CEBPZOS: variants seen among roughly 807,000 people sequenced by gnomAD.
CEBPZOS encodes the protein CEBPZ opposite strand, also known as protein CEBPZOS.
CEBPZOS carries 10 observed loss-of-function variants against 4.8 expected under a neutral mutation model. The observed-to-expected ratio is 2.07, with a 90% confidence interval of 1.28 to 3.52. The LOEUF is 3.52. Among genes scored for constraint, CEBPZOS ranks in the 30% most tolerant of loss-of-function variants. The probability of loss-of-function intolerance (pLI) is 0.00; values close to 1 mark genes in which losing one functional copy is unlikely to be tolerated. For missense variants in CEBPZOS, 98 were observed against 43.6 expected, an observed-to-expected ratio of 2.25 and a Z score of -3.51; for synonymous variants, 25 against 14.2, an observed-to-expected ratio of 1.77 and a Z score of -1.72.
downstream of CEBPZOS, chr2:37,215,058 G>A (rs1430262867): frequency 5.3e-6 from 4 of 753,512 alleles, no homozygotes; most frequent in African/African-American, 5.3e-5. Context: ...AAAAATCTCA[G>A]AATTGTGTGG....
At chr2:37,198,990 C>T (rs1677081522) in intron 1 of CEBPZOS, among the ~76,000 whole-genome samples, 1 of 151,970 alleles carries the variant, frequency 6.6e-6, no homozygotes, top group African/African-American at 2.4e-5. Flanking sequence ...CCTGTGTCTA[C>T]TAAAAATACA....
intron 4 of CEBPZOS, chr2:37,211,796 G>T: frequency 7.2e-7 from 1 of 1,388,858 alleles, no homozygotes. Context: ...TTAAGGCTAA[G>T]GAAGTGAGGA....
downstream of CEBPZOS, chr2:37,216,049 T>C (rs760824009): frequency 1.0e-6 from 1 of 984,936 alleles, no homozygotes; most frequent in Non-Finnish European, 1.5e-6. Flanking sequence ...TCAGGTTTTA[T>C]TCTGATAAAT....
rs969679176 is a variant in CEBPZOS at position 37,202,607 on chromosome 2, T to C, written c.*747T>C. The C allele has an allele frequency of 2.4e-6, 1 of 425,432 alleles. No homozygotes were observed. Among genetic ancestry groups the C allele is most frequent in the African/African-American group, 2.6e-5 (1 of 38,764 alleles). 26.4% of individuals were successfully genotyped at this position (425,432 alleles called of 1,614,324 possible). ...TTGCAGTGAGCCAAGATCATGCCACTGCATTCCAACCTGGGCAAGGGAGTG... is the reference window on the plus strand; with the variant it reads ...TTGCAGTGAGCCAAGATCATGCCACCGCATTCCAACCTGGGCAAGGGAGTG... On this transcript the variant is annotated 3_prime_UTR_variant, in exon 5 of 5. Transcript: ENST00000402297.
chr2:37,206,269 T>C (rs1051276176), downstream of CEBPZOS, among the ~76,000 whole-genome samples: 12 of 152,222 alleles, frequency 7.9e-5, 1 homozygote, highest in Admixed American at 5.2e-4. Context: ...AAACTAAGCT[T>C]CCTAAATGAA....
At chr2:37,216,121 G>A (rs1310053781), downstream of CEBPZOS, 1 of 1,577,226 alleles carries the variant, frequency 6.3e-7, no homozygotes, top group Middle Eastern at 2.1e-4. Flanking sequence ...AGTTTCAACT[G>A]TCTAAGGTTT....
downstream of CEBPZOS, chr2:37,215,526 CT>C (rs943479618): frequency 1.3e-5 from 2 of 152,258 alleles, no homozygotes; most frequent in Non-Finnish European, 2.9e-5. Flanking sequence ...TGGGTAAGTC[CT>C]TTTACATCTC....
chr2:37,210,417 T>G (rs113070020), intron 4 of CEBPZOS: 2 of 152,240 alleles, frequency 1.3e-5, no homozygotes, highest in African/African-American at 4.8e-5. Context: ...GTGGTATACA[T>G]ATACCATGGA....
At chr2:37,212,118 G>A in intron 4 of CEBPZOS, 1 of 1,253,314 alleles carries the variant, frequency 8.0e-7, no homozygotes, top group Non-Finnish European at 1.1e-6. Flanking sequence ...TAGGGCAGTA[G>A]GCTATTAAAT....
chr2:37,198,779 C>G (rs1027431937), intron 1 of CEBPZOS: 3 of 152,178 alleles, frequency 2.0e-5, no homozygotes, highest in African/African-American at 7.2e-5. Flanking sequence ...CAAGATCTAA[C>G]CGGTCTGTAG....
chr2:37,201,485 A>T, intron 3 of CEBPZOS, 157 bp from the exon 4 acceptor site: 1 of 581,310 alleles, frequency 1.7e-6, no homozygotes. Flanking sequence ...CAATGATCAG[A>T]GATGCCAGGA....
At chr2:37,216,030 C>T, downstream of CEBPZOS, 2 of 725,356 alleles carry the variant, frequency 2.8e-6, no homozygotes, top group Non-Finnish European at 4.3e-6. Flanking sequence ...TGGATAATGT[C>T]TTTGATGCTC....
Position 37,201,996 on chromosome 2 carries a change from C to G in CEBPZOS, c.*136C>G. 1 of 1,200,920 alleles carries G rather than the reference C, an allele frequency of 8.3e-7. No individual in the cohort carries two copies. The highest frequency in any genetic ancestry group is 1.2e-6 in the Non-Finnish European group (1 of 856,826). The allele number at this position is 1,200,920 out of a possible 1,614,324, so 74.4% of individuals were successfully genotyped here. ...GCTGCTGAGTCACAGGAACTTCTAG[C>G]CTGCCTTGGCCTGTGGTTTCCCACC... On this transcript the variant is annotated 3_prime_UTR_variant, in exon 5 of 5. Coordinates refer to ENST00000402297, the MANE Select transcript of CEBPZOS (RefSeq NM_001322374.2).
At position 37,203,891 on chromosome 2, in the gene CEBPZOS, A is replaced by G. The variant is rs1458727644; in HGVS notation, c.*2031A>G. ...AGTACTCCATGCCATGTTGTGGGCT[A>G]CATAATATTCCATTGTATGGATATA... On this transcript the variant is annotated 3_prime_UTR_variant, in exon 5 of 5. Coordinates refer to ENST00000402297, the MANE Select transcript of CEBPZOS (RefSeq NM_001322374.2). 1 of 152,208 alleles carries G rather than the reference A, an allele frequency of 6.6e-6. No individual in the cohort carries two copies. Among genetic ancestry groups the G allele is most frequent in the Non-Finnish European group, 1.5e-5 (1 of 68,034 alleles). The allele number at this position is 152,208 out of a possible 1,614,324, so 9.4% of individuals were successfully genotyped here.
chr2:37,209,414 CA>C (rs796536578), downstream of CEBPZOS: 2 of 152,082 alleles, frequency 1.3e-5, no homozygotes, highest in South Asian at 4.2e-4. Context: ...CTATTGTTAC[CA>C]AAATAGCATG....
chr2:37,201,424 T>C, intron 3 of CEBPZOS: 2 of 524,116 alleles, frequency 3.8e-6, no homozygotes, highest in Non-Finnish European at 6.8e-6. Flanking sequence ...GTCAAGTAGA[T>C]AAAGACTGAA....
At chr2:37,204,842 T>C (rs1677476526), downstream of CEBPZOS, 1 of 152,238 alleles carries the variant, frequency 6.6e-6, no homozygotes, top group African/African-American at 2.4e-5. Context: ...GGCTAATGTC[T>C]TCTGAAACAG....
downstream of CEBPZOS, chr2:37,209,144 C>T (rs939581436): frequency 6.6e-6 from 1 of 151,844 alleles, no homozygotes; most frequent in Non-Finnish European, 1.5e-5. Context: ...AAAGAAACCA[C>T]AGACACACAC....
At position 37,203,422 on chromosome 2, in the gene CEBPZOS, A is replaced by G. The variant is rs1036536927; in HGVS notation, c.*1562A>G. On this transcript the variant is annotated 3_prime_UTR_variant, in exon 5 of 5. Transcript: ENST00000402297. ...TGACTGAAAGTATGTTTATTATGCT[A>G]TAAATGAAGTTGTTTATAACAGCGA... 3.3e-5 allele frequency: 5 copies of G among 152,822 alleles called. No homozygotes were observed. The highest frequency in any genetic ancestry group is 1.2e-4 in the African/African-American group (5 of 41,452). 9.5% of individuals were successfully genotyped at this position (152,822 alleles called of 1,614,324 possible).
Sources: gnomAD v4.1 joint callset for allele counts (sites outside exome capture counted in the v4.1 genomes callset) on GRCh38, gnomAD v4.1.1 for gene constraint, MANE v1.5 for transcripts, NCBI Gene and HGNC (gene_info 2026-07-23, HGNC 2026-07-21) for gene names.